Variants in RIMS2 observed in about 807,000 individuals in gnomAD.
The protein encoded by RIMS2 is regulating synaptic membrane exocytosis 2, also known as regulating synaptic membrane exocytosis protein 2.
In RIMS2, 59 loss-of-function variants were observed where a neutral mutation model predicts 174.4. The observed-to-expected ratio is 0.34, with a 90% confidence interval of 0.27 to 0.42. RIMS2 has a LOEUF of 0.42. RIMS2 is among the 10% of genes least tolerant of loss of function. The probability of loss-of-function intolerance (pLI) is 1.00; values close to 1 mark genes in which losing one functional copy is unlikely to be tolerated. For synonymous variants in RIMS2, 606 were observed against 572.5 expected, an observed-to-expected ratio of 1.06 and a Z score of -0.84; for missense variants, 1,620 against 1,666.3, an observed-to-expected ratio of 0.97 and a Z score of 0.48.
intron 19 of RIMS2, among the ~76,000 whole-genome samples, chr8:104,107,349 G>A (rs1038649232): frequency 3.5e-4 from 53 of 151,986 alleles, no homozygotes; most frequent in African/African-American, 1.0e-3. Flanking sequence ...TTTCTCTTGT[G>A]ATACCCATTT....
intron 1 of RIMS2, among the ~76,000 whole-genome samples, chr8:103,584,874 C>G (rs996402396): frequency 6.6e-6 from 1 of 151,948 alleles, no homozygotes; most frequent in Non-Finnish European, 1.5e-5. Flanking sequence ...CAGGAGTAAG[C>G]CCTTACTTAT....
At chr8:103,899,475 G>A (rs145283111) in intron 4 of RIMS2, among the ~76,000 whole-genome samples, 21,150 of 151,750 alleles carry the variant, frequency 0.14, 1,778 homozygotes, top group Middle Eastern at 0.24. Context: ...GATGGCCAGT[G>A]ATGATGAGCA....
chr8:103,781,684 A>G (rs1450354577), intron 3 of RIMS2, among the ~76,000 whole-genome samples: 1 of 151,302 alleles, frequency 6.6e-6, no homozygotes, highest in Non-Finnish European at 1.5e-5. Flanking sequence ...GTTCTTGAAG[A>G]AGAATTTTCT....
At chr8:103,777,103 ATCT>A (rs1424500788) in intron 3 of RIMS2, among the ~76,000 whole-genome samples, 2 of 152,122 alleles carry the variant, frequency 1.3e-5, no homozygotes, top group African/African-American at 4.8e-5. Context: ...AGTCATGTGT[ATCT>A]TCTTCATCAG....
intron 19 of RIMS2, among the ~76,000 whole-genome samples, chr8:104,170,981 C>T (rs2098828873): frequency 6.6e-6 from 1 of 152,094 alleles, no homozygotes; most frequent in Admixed American, 6.5e-5. Context: ...AGATAGGACC[C>T]CAATCCCTTC....
At chr8:103,968,036 T>C (rs1426379991) in intron 15 of RIMS2, among the ~76,000 whole-genome samples, 3 of 152,008 alleles carry the variant, frequency 2.0e-5, no homozygotes, top group Non-Finnish European at 4.4e-5. Context: ...AATTTTTGTA[T>C]TTTTAGTAGA....
chr8:103,629,378 G>T (rs1255899545), intron 1 of RIMS2, among the ~76,000 whole-genome samples: 1 of 152,230 alleles, frequency 6.6e-6, no homozygotes, highest in Admixed American at 6.5e-5. Context: ...CTCAGCAGTG[G>T]TATAGAATAA....
chr8:103,591,213 G>A (rs1360027042), intron 1 of RIMS2, among the ~76,000 whole-genome samples: 3 of 150,466 alleles, frequency 2.0e-5, no homozygotes, highest in African/African-American at 7.3e-5. Context: ...ATTCCTTCAT[G>A]GACTGTCTGT....
At chr8:103,569,144 T>C (rs763571579) in intron 1 of RIMS2, among the ~76,000 whole-genome samples, 8 of 152,224 alleles carry the variant, frequency 5.3e-5, no homozygotes, top group Non-Finnish European at 1.2e-4. Flanking sequence ...TTTTATGTTT[T>C]CTTCTAAGAG....
chr8:103,606,811 C>T (rs1244824285), intron 1 of RIMS2, among the ~76,000 whole-genome samples: 1 of 151,666 alleles, frequency 6.6e-6, no homozygotes, highest in African/African-American at 2.4e-5. Context: ...TTATCAGAGA[C>T]TAGGATTGCA....
chr8:104,078,499 C>T (rs887352403), intron 19 of RIMS2, among the ~76,000 whole-genome samples: 1 of 152,076 alleles, frequency 6.6e-6, no homozygotes, highest in Admixed American at 6.5e-5. Context: ...ATAAGGACAC[C>T]AATCATATTG....
At chr8:104,048,445 T>C (rs1258075047) in intron 19 of RIMS2, among the ~76,000 whole-genome samples, 1 of 152,118 alleles carries the variant, frequency 6.6e-6, no homozygotes, top group African/African-American at 2.4e-5. Context: ...AAAAAAACCA[T>C]GGTAAGAGTG....
chr8:103,992,980 G>A (rs2094826615), intron 17 of RIMS2, among the ~76,000 whole-genome samples: 1 of 152,160 alleles, frequency 6.6e-6, no homozygotes, highest in African/African-American at 2.4e-5. Context: ...CAGGCACGGT[G>A]GCAGATGCCT....
intron 2 of RIMS2, among the ~76,000 whole-genome samples, chr8:103,765,506 A>G (rs1280648376): frequency 6.6e-6 from 1 of 152,164 alleles, no homozygotes; most frequent in African/African-American, 2.4e-5. Context: ...TTAAAATGGC[A>G]AATTTTATGT....
chr8:103,744,243 A>T (rs1280384158), intron 2 of RIMS2, among the ~76,000 whole-genome samples: 3 of 151,842 alleles, frequency 2.0e-5, no homozygotes, highest in Non-Finnish European at 4.4e-5. Context: ...ATGGGGTGTC[A>T]CCATGTTAGC....
intron 17 of RIMS2, among the ~76,000 whole-genome samples, chr8:104,002,039 C>G (rs990972800): frequency 3.3e-5 from 5 of 152,064 alleles, no homozygotes; most frequent in African/African-American, 1.2e-4. Flanking sequence ...CCTTAACTTT[C>G]TCTAATGTAG....
intron 1 of RIMS2, among the ~76,000 whole-genome samples, chr8:103,514,290 T>C (rs1191616419): frequency 6.6e-6 from 1 of 152,216 alleles, no homozygotes; most frequent in Admixed American, 6.5e-5. Flanking sequence ...TTACCATCTT[T>C]TAGACTTTTC....
chr8:103,907,507 G>A (rs998371433), intron 4 of RIMS2, among the ~76,000 whole-genome samples: 1 of 151,570 alleles, frequency 6.6e-6, no homozygotes, highest in African/African-American at 2.4e-5. Flanking sequence ...ACCTCCCTCT[G>A]TCTCCCTCCT....
intron 1 of RIMS2, among the ~76,000 whole-genome samples, chr8:103,671,775 G>A (rs2096747070): frequency 1.3e-5 from 2 of 152,076 alleles, no homozygotes; most frequent in Admixed American, 1.3e-4. Flanking sequence ...TTCCTACCAA[G>A]ATATAACAGA....
Sources: allele counts gnomAD v4.1 joint callset (sites outside exome capture counted in the v4.1 genomes callset), GRCh38; gene constraint gnomAD v4.1.1; transcripts MANE v1.5; gene names NCBI Gene and HGNC (gene_info 2026-07-23, HGNC 2026-07-21).